ADAMTS17: variants seen among roughly 807,000 people sequenced by gnomAD.
ADAMTS17 encodes the protein A disintegrin and metalloproteinase with thrombospondin motifs 17.
In ADAMTS17, 113 loss-of-function variants were observed where a neutral mutation model predicts 141.5. The ratio of observed to expected loss-of-function variants is 0.80; its 90% CI spans 0.69 to 0.93. The LOEUF is 0.93. Among genes scored for constraint, ADAMTS17 ranks in the 40% least tolerant of loss-of-function variants. The pLI, the probability that ADAMTS17 is intolerant of heterozygous loss-of-function variation, is 0.00. For synonymous variants in ADAMTS17, 768 were observed against 630.6 expected (o/e 1.22, Z -3.27); for missense variants, 1,659 against 1,517.9 (o/e 1.09, Z -1.54).
chr15:100,156,225 G>A (rs565948841), intron 8 of ADAMTS17, among the ~76,000 whole-genome samples: 2 of 152,316 alleles, frequency 1.3e-5, no homozygotes, highest in African/African-American at 4.8e-5. Context: ...TCTAAACTCT[G>A]CTCTAGAGCC....
At chr15:100,236,155 C>T (rs1021003028) in intron 7 of ADAMTS17, among the ~76,000 whole-genome samples, 2 of 152,022 alleles carry the variant, frequency 1.3e-5, no homozygotes, top group East Asian at 3.9e-4. Flanking sequence ...GGAAGTAACT[C>T]GGAAATTTCC....
intron 7 of ADAMTS17, among the ~76,000 whole-genome samples, chr15:100,210,434 G>C (rs1011619179): frequency 2.6e-4 from 40 of 152,034 alleles, no homozygotes; most frequent in Admixed American, 3.3e-4. Context: ...TATCCTTGCA[G>C]TACTACTGAT....
At chr15:100,149,377 G>T (rs2039058517) in intron 10 of ADAMTS17, among the ~76,000 whole-genome samples, 1 of 152,192 alleles carries the variant, frequency 6.6e-6, no homozygotes, top group Non-Finnish European at 1.5e-5. Flanking sequence ...TCAGTTCTTT[G>T]TCCTCCATTT....
In ADAMTS17 at chr15:100,341,973, A is replaced by T; in HGVS notation, c.-74T>A. The stretch of plus-strand genomic sequence containing the variant: ...CGCGCTAGGCGGCGGCGCCAGCCGG[A>T]GTGAAGCCCTCCAGCCTTTGGAAAA... On this transcript the variant is annotated 5_prime_UTR_variant, in exon 1 of 22. Coordinates refer to ENST00000268070, the MANE Select transcript of ADAMTS17 (RefSeq NM_139057.4). 2.0e-6 allele frequency: 3 copies of T among 1,513,840 alleles called. No homozygotes were observed. The highest frequency in any genetic ancestry group is 2.0e-5 in the Admixed American group (1 of 50,848). 93.8% of individuals were successfully genotyped at this position (1,513,840 alleles called of 1,614,324 possible).
chr15:99,974,477 C>T lies in ADAMTS17; in HGVS notation c.3213G>A (p.Arg1071=). The T allele has an allele frequency of 6.2e-7, 1 of 1,614,250 alleles. No homozygotes were observed. ...IREKNLCQDM[R]WYQRCCQTCR... Reference sequence around the variant, plus strand: ...AGGTCTGGCAGCAGCGCTGGTACCACCGCATGTCCTGGCAGAGGTTCTTTT... The same window carrying T: ...AGGTCTGGCAGCAGCGCTGGTACCATCGCATGTCCTGGCAGAGGTTCTTTT... The change falls in exon 22 of 22, where the codon CGG becomes CGA. Residue 1071 remains arginine (R), a synonymous_variant. Transcript: ENST00000268070.
chr15:100,324,671 C>G (rs915256452), intron 3 of ADAMTS17, among the ~76,000 whole-genome samples: 1 of 152,186 alleles, frequency 6.6e-6, no homozygotes, highest in African/African-American at 2.4e-5. Context: ...TTCAAGAATA[C>G]TAATGAGAGT....
intron 18 of ADAMTS17, among the ~76,000 whole-genome samples, chr15:100,011,425 GAGGAATGAGGAAAGGAAAAGAAGGAAGGA>G (rs1050330697): frequency 5.7e-5 from 8 of 139,406 alleles, no homozygotes; most frequent in African/African-American, 1.9e-4. Flanking sequence ...AGAAGAAAGG[GAGGAATGAGGAAAGGAAAAGAAGGAAGGA>G]AGGAAAGGAG....
chr15:100,096,719 G>GGAA (rs67165671), intron 14 of ADAMTS17, among the ~76,000 whole-genome samples: 1 of 226 alleles, frequency 4.4e-3, no homozygotes, highest in Non-Finnish European at 0.019. Flanking sequence ...TATTTGTTCT[G>GGAA]GAGGGAGATC....
intron 18 of ADAMTS17, among the ~76,000 whole-genome samples, chr15:100,038,784 T>G (rs1263396500): frequency 1.3e-5 from 2 of 152,252 alleles, no homozygotes; most frequent in Non-Finnish European, 2.9e-5. Flanking sequence ...ACTTCTTCTA[T>G]TCAAACATGG....
chr15:100,053,536 C>T (rs1367599425), intron 16 of ADAMTS17, among the ~76,000 whole-genome samples: 2 of 152,196 alleles, frequency 1.3e-5, no homozygotes, highest in African/African-American at 4.8e-5. Flanking sequence ...ATCTCACCAA[C>T]CGATGCAAAA....
At chr15:100,243,650 C>T (rs563317014) in intron 7 of ADAMTS17, among the ~76,000 whole-genome samples, 4 of 152,074 alleles carry the variant, frequency 2.6e-5, no homozygotes, top group Admixed American at 6.5e-5. Context: ...ATTAGCCAGG[C>T]GTAATGGCGC....
chr15:100,006,146 T>C (rs1201045411), intron 18 of ADAMTS17, among the ~76,000 whole-genome samples: 1 of 152,216 alleles, frequency 6.6e-6, no homozygotes, highest in Non-Finnish European at 1.5e-5. Context: ...CATTCTGAGA[T>C]ACTGGGGGTT....
chr15:100,150,694 C>T (rs1362047253), intron 10 of ADAMTS17, among the ~76,000 whole-genome samples: 1 of 152,134 alleles, frequency 6.6e-6, no homozygotes, highest in Non-Finnish European at 1.5e-5. Flanking sequence ...CTTAATCCTG[C>T]CCTGTAGGGC....
At chr15:100,134,479 G>T (rs558142966) in intron 10 of ADAMTS17, among the ~76,000 whole-genome samples, 1 of 152,212 alleles carries the variant, frequency 6.6e-6, no homozygotes, top group Non-Finnish European at 1.5e-5. Flanking sequence ...ACCCTCCAGG[G>T]TGTGGCCAGG....
At chr15:100,076,624 C>T (rs951208173) in intron 15 of ADAMTS17, among the ~76,000 whole-genome samples, 1 of 152,152 alleles carries the variant, frequency 6.6e-6, no homozygotes, top group East Asian at 1.9e-4. Flanking sequence ...TGTAGGCTAA[C>T]AGGACTTTCC....
intron 10 of ADAMTS17, among the ~76,000 whole-genome samples, chr15:100,151,637 T>G (rs1351835945): frequency 1.3e-5 from 2 of 152,180 alleles, no homozygotes; most frequent in African/African-American, 4.8e-5. Context: ...GAGTTCCACA[T>G]ACCCCTGGCT....
chr15:99,990,877 A>G (rs1399079018), intron 20 of ADAMTS17, among the ~76,000 whole-genome samples: 1 of 152,210 alleles, frequency 6.6e-6, no homozygotes, highest in Non-Finnish European at 1.5e-5. Flanking sequence ...CACATCTACA[A>G]CCATCTGATC....
chr15:100,117,410 G>GC (rs35473995), intron 12 of ADAMTS17, among the ~76,000 whole-genome samples: 38 of 151,752 alleles, frequency 2.5e-4, no homozygotes, highest in African/African-American at 8.0e-4. Context: ...ACCTTTAAAT[G>GC]CCCCCCCAGG....
intron 18 of ADAMTS17, among the ~76,000 whole-genome samples, chr15:100,046,352 G>A (rs2031683048): frequency 6.6e-6 from 1 of 152,178 alleles, no homozygotes; most frequent in Non-Finnish European, 1.5e-5. Context: ...TACTGTGAGA[G>A]GTGGAAAAGG....
Sources: allele counts gnomAD v4.1 joint callset (sites outside exome capture counted in the v4.1 genomes callset), GRCh38; gene constraint gnomAD v4.1.1; transcripts MANE v1.5; gene names NCBI Gene and HGNC (gene_info 2026-07-23, HGNC 2026-07-21).